The following KCNQ5 variants were observed in gnomAD, a reference collection of about 807,000 sequenced individuals.
KCNQ5 encodes the protein potassium voltage-gated channel subfamily KQT member 5.
Under a neutral mutation model 98.2 loss-of-function variants are expected in KCNQ5, and 30 were observed. That is an observed-to-expected ratio of 0.31 (90% CI 0.23 to 0.41). The LOEUF is 0.41. KCNQ5 is among the 10% of genes least tolerant of loss of function. The pLI is 1.00. For missense variants in KCNQ5, 835 were observed against 1,182.5 expected, an observed-to-expected ratio of 0.71 and a Z score of 4.31; for synonymous variants, 458 against 449.4, an observed-to-expected ratio of 1.02 and a Z score of -0.24.
intron 1 of KCNQ5, among the ~76,000 whole-genome samples, chr6:72,789,931 A>G (rs997867656): frequency 6.6e-5 from 10 of 152,210 alleles, no homozygotes; most frequent in African/African-American, 2.2e-4. Flanking sequence ...TACGTTTCAC[A>G]AAGGACCATT....
At chr6:72,744,803 C>G (rs1771298902) in intron 1 of KCNQ5, among the ~76,000 whole-genome samples, 1 of 150,760 alleles carries the variant, frequency 6.6e-6, no homozygotes, top group Non-Finnish European at 1.5e-5. Context: ...GAGCGAGACT[C>G]CGTCTAAAAA....
intron 3 of KCNQ5, among the ~76,000 whole-genome samples, chr6:73,062,459 A>G (rs974496130): frequency 1.3e-5 from 2 of 152,198 alleles, no homozygotes; most frequent in Non-Finnish European, 2.9e-5. Context: ...GAATGAATAA[A>G]AAATTGAGAA....
intron 1 of KCNQ5, among the ~76,000 whole-genome samples, chr6:72,996,153 G>A (rs1314815901): frequency 6.6e-6 from 1 of 152,198 alleles, no homozygotes; most frequent in Non-Finnish European, 1.5e-5. Context: ...TACAGTGAAA[G>A]TAAGATAATG....
intron 1 of KCNQ5, among the ~76,000 whole-genome samples, chr6:72,845,610 A>G (rs1445534405): frequency 1.3e-5 from 2 of 152,228 alleles, no homozygotes; most frequent in African/African-American, 4.8e-5. Flanking sequence ...ATTTAAAATA[A>G]CAGTCATCTA....
chr6:73,137,123 T>C (rs184935544), intron 10 of KCNQ5, among the ~76,000 whole-genome samples: 1,544 of 152,124 alleles, frequency 0.01, 16 homozygotes, highest in Non-Finnish European at 0.014. Context: ...ATATTCAGGG[T>C]TAATCTGTAA....
At chr6:72,895,218 G>A (rs1391454850) in intron 1 of KCNQ5, among the ~76,000 whole-genome samples, 3 of 151,052 alleles carry the variant, frequency 2.0e-5, no homozygotes, top group African/African-American at 7.3e-5. Flanking sequence ...GAACCCAGGA[G>A]GCGGAGCTTG....
intron 8 of KCNQ5, among the ~76,000 whole-genome samples, chr6:73,123,330 TATC>T (rs1366461882): frequency 2.0e-5 from 3 of 152,028 alleles, no homozygotes; most frequent in Non-Finnish European, 4.4e-5. Flanking sequence ...TTATCAACAA[TATC>T]ATCATCATCA....
chr6:72,922,235 GCTAT>G (rs915772427), intron 1 of KCNQ5, among the ~76,000 whole-genome samples: 19 of 152,124 alleles, frequency 1.2e-4, no homozygotes, highest in Admixed American at 2.6e-4. Flanking sequence ...CTGTGCTTTA[GCTAT>G]CTGTTATATA....
At chr6:73,178,728 C>T (rs3799280) in intron 11 of KCNQ5, among the ~76,000 whole-genome samples, 54,938 of 151,754 alleles carry the variant, frequency 0.36, 11,062 homozygotes, top group East Asian at 0.56. Context: ...TCTAGTAACC[C>T]GATCTAAGAT....
chr6:73,192,569 G>A lies in KCNQ5; in HGVS notation c.1714G>A (p.Asp572Asn). The change falls in exon 13 of 14, where the codon GAT becomes AAT. Residue 572 changes from aspartate (D) to asparagine (N), a missense_variant. Around this residue, in one of 10 missense-constraint regions of KCNQ5, gnomAD observed 416 missense variants for 446.9 expected, o/e 0.93. Coordinates refer to ENST00000370398, the MANE Select transcript of KCNQ5 (RefSeq NM_019842.4). The stretch of plus-strand genomic sequence containing the variant: ...GATCTCCTCTTTCTCTGATAGTGTT[G>A]ATCAAATTCTTGGAAAAGGGCAAAT... ...CRIKSLQTRVDQILGKGQITS... is the reference protein window; with the variant it reads ...CRIKSLQTRVNQILGKGQITS... The A allele has an allele frequency of 6.2e-7, 1 of 1,607,362 alleles. No homozygotes were observed. The highest frequency in any genetic ancestry group is 8.5e-7 in the Non-Finnish European group (1 of 1,176,788).
At chr6:72,945,135 T>C (rs981400685) in intron 1 of KCNQ5, among the ~76,000 whole-genome samples, 5 of 152,178 alleles carry the variant, frequency 3.3e-5, no homozygotes, top group Admixed American at 3.3e-4. Flanking sequence ...GTTATAACAA[T>C]ATGATCATTC....
intron 11 of KCNQ5, among the ~76,000 whole-genome samples, chr6:73,172,470 T>C (rs768600914): frequency 6.6e-6 from 1 of 152,232 alleles, no homozygotes; most frequent in Non-Finnish European, 1.5e-5. Context: ...ATTTTACTCA[T>C]GGTGTACTTA....
chr6:73,162,927 TGG>T (rs767478186), intron 10 of KCNQ5, among the ~76,000 whole-genome samples: 1 of 152,086 alleles, frequency 6.6e-6, no homozygotes, highest in Non-Finnish European at 1.5e-5. Flanking sequence ...TGAGTGAGTG[TGG>T]GGGTGTGTGT....
rs2150439121 is a variant in KCNQ5, at chr6:73,120,533, C to T, written c.1176C>T (p.Thr392=). The change falls in exon 8 of 14, where the codon ACC becomes ACT. Residue 392 remains threonine, a synonymous_variant. Coordinates refer to ENST00000370398, the MANE Select transcript of KCNQ5 (RefSeq NM_019842.4). Reference sequence around the variant, plus strand: ...ATGAGAAATCTGTTTCCATTGCAACCTGGAAGCCACACTTGAAGGCCTTGC... The same window carrying T: ...ATGAGAAATCTGTTTCCATTGCAACTTGGAAGCCACACTTGAAGGCCTTGC... ...AADEKSVSIA[T]WKPHLKALHT... 9.3e-6 allele frequency: 15 copies of T among 1,611,846 alleles called. No homozygotes were observed. Among genetic ancestry groups the T allele is most frequent in the Non-Finnish European group, 1.3e-5 (15 of 1,178,570 alleles).
chr6:73,164,060 T>C (rs1777707892), intron 10 of KCNQ5, among the ~76,000 whole-genome samples: 1 of 152,236 alleles, frequency 6.6e-6, no homozygotes, highest in African/African-American at 2.4e-5. Context: ...TTTAATATTG[T>C]GTTTTGTGTC....
chr6:72,721,542 A>G (rs1253856527), intron 1 of KCNQ5, among the ~76,000 whole-genome samples: 1 of 152,128 alleles, frequency 6.6e-6, no homozygotes, highest in African/African-American at 2.4e-5. Flanking sequence ...CTTGCATCAG[A>G]ATCATCTGTG....
intron 1 of KCNQ5, among the ~76,000 whole-genome samples, chr6:72,948,909 C>A (rs1766670082): frequency 6.6e-6 from 1 of 152,078 alleles, no homozygotes; most frequent in Admixed American, 6.6e-5. Context: ...CAAACAAATG[C>A]ACATATACTG....
chr6:72,803,081 A>C (rs1266755359), intron 1 of KCNQ5, among the ~76,000 whole-genome samples: 1 of 152,084 alleles, frequency 6.6e-6, no homozygotes, highest in Non-Finnish European at 1.5e-5. Flanking sequence ...TCAGAACCTT[A>C]CTTGTTTCTT....
At chr6:72,647,525 A>G (rs1302708061) in intron 1 of KCNQ5, among the ~76,000 whole-genome samples, 1 of 152,102 alleles carries the variant, frequency 6.6e-6, no homozygotes, top group African/African-American at 2.4e-5. Context: ...AGGCAGAGAC[A>G]GAGACTGAGA....
Sources: allele counts gnomAD v4.1 joint callset (sites outside exome capture counted in the v4.1 genomes callset), GRCh38; gene constraint gnomAD v4.1.1; regional missense constraint gnomAD v4.1.1; transcripts MANE v1.5; gene names NCBI Gene and HGNC (gene_info 2026-07-23, HGNC 2026-07-21).